The following FAAH2 variants were observed in gnomAD, a reference collection of about 807,000 sequenced individuals.
FAAH2 encodes fatty-acid amide hydrolase 2.
FAAH2 carries 60 observed loss-of-function variants against 36.9 expected under a neutral mutation model. That is an observed-to-expected ratio of 1.63 (90% confidence interval 1.32 to 2.02). The LOEUF (loss-of-function observed/expected upper bound fraction) is 2.02, where lower values mean the gene tolerates loss of function less well. FAAH2 is among the 30% of genes most tolerant of loss of function. The pLI, the probability that FAAH2 is intolerant of heterozygous loss-of-function variation, is 0.00. For synonymous variants in FAAH2, 214 were observed against 143.8 expected (o/e 1.49, Z -3.49); for missense variants, 689 against 397.5 (o/e 1.73, Z -6.23).
At chrX:57,149,800 AG>A in the FAAH2 span, among the ~76,000 whole-genome samples, 1 of 111,182 alleles carries the variant, frequency 9.0e-6, no homozygotes, top group African/African-American at 3.3e-5. Flanking sequence ...GCCTTCTGCC[AG>A]CTTTTGAATG....
chrX:57,211,289 C>A, the FAAH2 span, among the ~76,000 whole-genome samples: 10 of 112,029 alleles, frequency 8.9e-5, no homozygotes, highest in Non-Finnish European at 1.1e-4. Context: ...CCTTGTGCTG[C>A]CTCTTTGGCA....
chrX:57,151,176 G>C, the FAAH2 span, among the ~76,000 whole-genome samples: 55 of 112,062 alleles, frequency 4.9e-4, no homozygotes, highest in African/African-American at 1.4e-3. Context: ...CGACTTTTCT[G>C]TCTGGCTGCC....
the FAAH2 span, among the ~76,000 whole-genome samples, chrX:57,150,760 A>T: frequency 8.9e-6 from 1 of 112,103 alleles, no homozygotes; most frequent in Non-Finnish European, 1.9e-5. Flanking sequence ...GCCCATTTAC[A>T]TTTAAAGTTA....
At chrX:57,299,911 A>G (rs1444405686) in intron 2 of FAAH2, among the ~76,000 whole-genome samples, 1 of 111,408 alleles carries the variant, frequency 9.0e-6, no homozygotes, top group Non-Finnish European at 1.9e-5. Flanking sequence ...GATGTGAAGG[A>G]CCTCTTCAAG....
chrX:57,136,936 G>C, the FAAH2 span: 31 of 824,121 alleles, frequency 3.8e-5, no homozygotes, highest in African/African-American at 1.0e-4. Context: ...AAGCGGCCTT[G>C]ACCAGCACCC....
intron 10 of FAAH2, among the ~76,000 whole-genome samples, chrX:57,483,778 CTTTTTTTTTTTTTTTT>C (rs755609992): frequency 7.7e-5 from 3 of 38,886 alleles, no homozygotes; most frequent in African/African-American, 4.1e-4. Context: ...CTGGGGGCAA[CTTTTTTTTTTTTTTTT>C]TTTTTTTTTT....
At chrX:57,458,160 A>T (rs2056895123) in intron 10 of FAAH2, among the ~76,000 whole-genome samples, 1 of 111,695 alleles carries the variant, frequency 9.0e-6, no homozygotes, top group South Asian at 3.8e-4. Context: ...CAACCATCTG[A>T]TCTTCAACAA....
chrX:57,389,853 A>G (rs918519774), intron 7 of FAAH2, among the ~76,000 whole-genome samples: 6 of 110,081 alleles, frequency 5.5e-5, no homozygotes, highest in Non-Finnish European at 1.1e-4. Flanking sequence ...CCTCACCAAC[A>G]CTTACCTTTA....
chrX:57,176,854 G>T, the FAAH2 span, among the ~76,000 whole-genome samples: 2 of 111,137 alleles, frequency 1.8e-5, no homozygotes, highest in African/African-American at 6.5e-5. Flanking sequence ...AAGATTCTGT[G>T]TGAGTTCCTT....
chrX:57,316,865 A>C (rs2052855218), intron 3 of FAAH2, among the ~76,000 whole-genome samples: 1 of 111,815 alleles, frequency 8.9e-6, no homozygotes, highest in South Asian at 3.7e-4. Flanking sequence ...AAGCTATTGC[A>C]ACTAAATGAA....
chrX:57,488,490 C>G (rs764449878), intron 10 of FAAH2, among the ~76,000 whole-genome samples: 10 of 111,244 alleles, frequency 9.0e-5, no homozygotes, highest in Non-Finnish European at 1.3e-4. Context: ...CTTTTGCTAG[C>G]CAAGTGATCT....
chrX:57,187,939 T>C, the FAAH2 span, among the ~76,000 whole-genome samples: 1 of 111,896 alleles, frequency 8.9e-6, no homozygotes, highest in Non-Finnish European at 1.9e-5. Flanking sequence ...ATAAGCTTTT[T>C]GATGTGCTGC....
chrX:57,356,352 G>T (rs991612169), intron 5 of FAAH2, among the ~76,000 whole-genome samples: 6 of 110,462 alleles, frequency 5.4e-5, no homozygotes, highest in African/African-American at 2.0e-4. Flanking sequence ...AAAAAAGTTA[G>T]ATAGAATTCT....
At chrX:57,484,989 G>A (rs2057448120) in intron 10 of FAAH2, among the ~76,000 whole-genome samples, 1 of 111,663 alleles carries the variant, frequency 9.0e-6, no homozygotes, top group African/African-American at 3.3e-5. Flanking sequence ...CAGGTGGTGG[G>A]AACCTGAGGG....
chrX:57,391,117 G>T (rs900861061), intron 7 of FAAH2, among the ~76,000 whole-genome samples: 2 of 110,586 alleles, frequency 1.8e-5, no homozygotes, highest in Middle Eastern at 4.3e-3. Context: ...GTAGCTAATT[G>T]CATGTCTTAT....
the FAAH2 span, among the ~76,000 whole-genome samples, chrX:57,183,091 G>C: frequency 4.5e-5 from 5 of 110,941 alleles, no homozygotes; most frequent in East Asian, 1.4e-3. Flanking sequence ...GAGAGGAGCA[G>C]ACAAAATAAC....
At chrX:57,153,758 T>A in the FAAH2 span, among the ~76,000 whole-genome samples, 1 of 112,547 alleles carries the variant, frequency 8.9e-6, no homozygotes, top group Non-Finnish European at 1.9e-5. Context: ...CCTTTATAGG[T>A]TACCTTGTAC....
chrX:57,203,726 C>A, the FAAH2 span, among the ~76,000 whole-genome samples: 5 of 112,240 alleles, frequency 4.5e-5, no homozygotes, highest in Admixed American at 4.7e-4. Flanking sequence ...AATCCATCTG[C>A]AGCTCCTTTA....
In FAAH2 at chrX:57,393,367, G is replaced by T. The variant is rs1441539748; in HGVS notation, c.996+12338G>T. ...TGACAGTGGCAACAAGCACCACCAC[G>T]TGAGGGTGGAGACCGGAATACTGGG... On this transcript the variant is annotated intron_variant, in intron 7 of 10. Coordinates refer to ENST00000374900, the MANE Select transcript of FAAH2 (RefSeq NM_174912.4). 4 of 736,194 alleles carry T rather than the reference G, an allele frequency of 5.4e-6. No individual in the cohort carries two copies. In the African/African-American group the frequency reaches 6.3e-5, roughly 12 times the overall value. 60.7% of individuals were successfully genotyped at this position (736,194 alleles called of 1,213,427 possible).
Sources: gnomAD v4.1 joint callset for allele counts (sites outside exome capture counted in the v4.1 genomes callset) on GRCh38, gnomAD v4.1.1 for gene constraint, MANE v1.5 for transcripts, NCBI Gene and HGNC (gene_info 2026-07-23, HGNC 2026-07-21) for gene names.